The following SHISA6 variants were observed in gnomAD, a reference collection of about 807,000 sequenced individuals.
SHISA6 encodes protein shisa-6.
In SHISA6, 22 loss-of-function variants were observed where a neutral mutation model predicts 47.9. The ratio of observed to expected loss-of-function variants is 0.46; its 90% CI spans 0.33 to 0.66. The LOEUF is 0.66. Among genes scored for constraint, SHISA6 ranks in the 30% least tolerant of loss-of-function variants. The probability of loss-of-function intolerance (pLI) is 0.02; values close to 1 mark genes in which losing one functional copy is unlikely to be tolerated. For synonymous variants in SHISA6, 388 were observed against 337.8 expected (o/e 1.15, Z -1.63); for missense variants, 680 against 764.6 (o/e 0.89, Z 1.30).
intron 3 of SHISA6, among the ~76,000 whole-genome samples, chr17:11,425,828 GT>G (rs1173842757): frequency 5.3e-5 from 8 of 152,150 alleles, no homozygotes; most frequent in South Asian, 4.1e-4. Context: ...AATCCCCTAA[GT>G]TTTTTGTACT....
chr17:11,454,212 G>T (rs979660565), intron 3 of SHISA6, among the ~76,000 whole-genome samples: 2 of 152,060 alleles, frequency 1.3e-5, no homozygotes, highest in Admixed American at 6.5e-5. Flanking sequence ...ACATCTTCAA[G>T]GTTCTACCTC....
intron 3 of SHISA6, among the ~76,000 whole-genome samples, chr17:11,536,224 G>A (rs1417737877): frequency 6.6e-6 from 1 of 152,150 alleles, no homozygotes; most frequent in African/African-American, 2.4e-5. Context: ...AGCTATGATA[G>A]TATGTCAGGT....
chr17:11,393,610 TTA>T (rs753258390), intron 3 of SHISA6, among the ~76,000 whole-genome samples: 1 of 151,996 alleles, frequency 6.6e-6, no homozygotes, highest in Admixed American at 6.6e-5. Flanking sequence ...AGCCAGAATC[TTA>T]TATATATATA....
At chr17:11,306,805 A>G (rs1910124491) in intron 2 of SHISA6, among the ~76,000 whole-genome samples, 1 of 152,118 alleles carries the variant, frequency 6.6e-6, no homozygotes, top group Non-Finnish European at 1.5e-5. Context: ...TCTTTCCTAG[A>G]CATCGCTCTT....
intron 3 of SHISA6, among the ~76,000 whole-genome samples, chr17:11,487,882 G>A (rs1403397585): frequency 3.9e-5 from 6 of 152,142 alleles, no homozygotes; most frequent in African/African-American, 7.2e-5. Flanking sequence ...CGTGAGGGCC[G>A]TAAAGTGCCT....
At chr17:11,514,628 T>C (rs1057384208) in intron 3 of SHISA6, among the ~76,000 whole-genome samples, 5 of 152,184 alleles carry the variant, frequency 3.3e-5, no homozygotes, top group African/African-American at 1.2e-4. Flanking sequence ...AAGCACATCT[T>C]TGTGCTTTGT....
At chr17:11,266,618 T>C (rs1225869419) in intron 2 of SHISA6, among the ~76,000 whole-genome samples, 1 of 152,216 alleles carries the variant, frequency 6.6e-6, no homozygotes, top group African/African-American at 2.4e-5. Flanking sequence ...GTATAATCAG[T>C]TAAACCAAGT....
rs563409981 is a variant in SHISA6 at position 11,368,998 on chromosome 17, G to A, written c.800-10416G>A. ...TAGTCTTCATCCCTTCCTCATGAGCGAGGCACCATTCCCATTTTACAGATG... is the reference window on the plus strand; with the variant it reads ...TAGTCTTCATCCCTTCCTCATGAGCAAGGCACCATTCCCATTTTACAGATG... On this transcript the variant is annotated intron_variant, in intron 2 of 5. Coordinates refer to ENST00000441885, the MANE Select transcript of SHISA6 (RefSeq NM_207386.4). Among the ~76,000 whole-genome samples, 34 of 152,240 alleles carry A rather than the reference G, an allele frequency of 2.2e-4. No individual in the cohort carries two copies. In the South Asian group the frequency reaches 6.2e-3, roughly 28 times the overall value.
chr17:11,477,226 T>TGTTGATTG (rs1441625408), intron 3 of SHISA6, among the ~76,000 whole-genome samples: 7 of 152,158 alleles, frequency 4.6e-5, no homozygotes, highest in African/African-American at 1.2e-4. Context: ...AATCTCTGTC[T>TGTTGATTG]GTTGATTGGT....
intron 1 of SHISA6, among the ~76,000 whole-genome samples, chr17:11,258,875 GTGT>G (rs1908119499): frequency 6.6e-6 from 1 of 152,194 alleles, no homozygotes; most frequent in Non-Finnish European, 1.5e-5. Flanking sequence ...CTAAAATCTT[GTGT>G]TCAGGGACCA....
At chr17:11,457,517 G>T (rs1216680146) in intron 3 of SHISA6, among the ~76,000 whole-genome samples, 1 of 150,510 alleles carries the variant, frequency 6.6e-6, no homozygotes, top group Non-Finnish European at 1.5e-5. Context: ...AGATCACGAA[G>T]TCAGGAGTTC....
intron 3 of SHISA6, among the ~76,000 whole-genome samples, chr17:11,409,239 CTTGACTTTCCAA>C (rs959472568): frequency 1.2e-4 from 18 of 152,152 alleles, no homozygotes; most frequent in African/African-American, 4.1e-4. Context: ...CAGTAACTAA[CTTGACTTTCCAA>C]TGTTGTTCTA....
chr17:11,545,943 G>A (rs189885634), intron 3 of SHISA6, among the ~76,000 whole-genome samples: 26 of 152,328 alleles, frequency 1.7e-4, no homozygotes, highest in East Asian at 3.9e-4. Context: ...CTCGGAAGTC[G>A]TGCAAGGTTA....
intron 2 of SHISA6, among the ~76,000 whole-genome samples, chr17:11,351,085 G>C (rs149220438): frequency 4.3e-4 from 65 of 152,110 alleles, no homozygotes; most frequent in African/African-American, 1.4e-3. Context: ...AGTGGGAGTT[G>C]AACAATGAGA....
chr17:11,532,505 G>A (rs762141169), intron 3 of SHISA6, among the ~76,000 whole-genome samples: 6 of 152,246 alleles, frequency 3.9e-5, no homozygotes, highest in Non-Finnish European at 7.3e-5. Context: ...GTGCGCGCAC[G>A]CGCGTATGTG....
chr17:11,558,667 C>A lies in SHISA6; in HGVS notation c.*363C>A, dbSNP rs191754634. ...GCTGCAGGTTCTGTCAGCAGAGAGACCCTTGCTTGACTGTGGTCTGAAGCT... is the reference window on the plus strand; with the variant it reads ...GCTGCAGGTTCTGTCAGCAGAGAGAACCTTGCTTGACTGTGGTCTGAAGCT... On this transcript the variant is annotated 3_prime_UTR_variant, in exon 6 of 6. Transcript: ENST00000441885. The A allele has an allele frequency of 2.2e-3, 689 of 308,054 alleles. 2 individuals are homozygous for A. Among genetic ancestry groups the A allele is most frequent in the African/African-American group, 0.014 (650 of 47,268 alleles). The allele number at this position is 308,054 out of a possible 1,614,324, so 19.1% of individuals were successfully genotyped here.
chr17:11,552,584 C>T (rs567706556), intron 4 of SHISA6, among the ~76,000 whole-genome samples: 2 of 152,208 alleles, frequency 1.3e-5, no homozygotes, highest in South Asian at 2.1e-4. Context: ...ACATAAATTG[C>T]GAATTATCAG....
intron 2 of SHISA6, among the ~76,000 whole-genome samples, chr17:11,373,795 A>T (rs2142239939): frequency 6.6e-6 from 1 of 152,298 alleles, no homozygotes; most frequent in South Asian, 2.1e-4. Flanking sequence ...ACTATTTATG[A>T]CTTTTCTCTG....
At chr17:11,322,881 AG>A (rs1357415757) in intron 2 of SHISA6, among the ~76,000 whole-genome samples, 1 of 152,224 alleles carries the variant, frequency 6.6e-6, no homozygotes, top group Non-Finnish European at 1.5e-5. Flanking sequence ...GGGTATCAGT[AG>A]GGTGCTTAGT....
Sources: gnomAD v4.1 joint callset for allele counts (sites outside exome capture counted in the v4.1 genomes callset) on GRCh38, gnomAD v4.1.1 for gene constraint, MANE v1.5 for transcripts, NCBI Gene and HGNC (gene_info 2026-07-23, HGNC 2026-07-21) for gene names.